The following ROCK2 variants were observed in gnomAD, a reference collection of about 807,000 sequenced individuals.
ROCK2 encodes rho-associated protein kinase 2.
A neutral mutation model predicts 195.1 loss-of-function variants in ROCK2; 61 were observed. The ratio of observed to expected loss-of-function variants is 0.31; its 90% CI spans 0.25 to 0.39. ROCK2 has a LOEUF of 0.39. Among genes scored for constraint, ROCK2 ranks in the 10% least tolerant of loss-of-function variants. ROCK2 has a pLI of 1.00. For synonymous variants in ROCK2, 504 were observed against 545.5 expected (o/e 0.92, Z 1.06); for missense variants, 1,109 against 1,637.4 (o/e 0.68, Z 5.57).
intron 12 of ROCK2, among the ~76,000 whole-genome samples, chr2:11,216,638 G>C (rs1664440024): frequency 6.6e-6 from 1 of 151,168 alleles, no homozygotes; most frequent in African/African-American, 2.4e-5. Flanking sequence ...AGCCTCCCAA[G>C]TAATTCCCTT....
Position 11,235,744 on chromosome 2 carries a change from A to T in ROCK2, c.681T>A (p.His227Gln). ...PDNMLLDKHG[H>Q]LKLADFGTCM... is the part of the protein sequence containing the mutation. ...ACGTGCCAAAATCTGCTAATTTTAG[A>T]TGTCCATGTTTATCCAAGAGCATGT... is the stretch of plus-strand genomic sequence containing the variant. Residue 227 changes from histidine (H) to glutamine (Q), a missense_variant, in exon 5 of 33, where the codon CAT becomes CAA. Coordinates refer to ENST00000315872, the MANE Select transcript of ROCK2 (RefSeq NM_004850.5). The surrounding 1 kb of genome is among the most constrained non-coding windows in gnomAD (Gnocchi z 4.2). 6.2e-7 allele frequency: 1 copy of T among 1,612,990 alleles called. No individual in the cohort carries two copies. The highest frequency in any genetic ancestry group is 8.5e-7 in the Non-Finnish European group (1 of 1,179,624).
chr2:11,232,999 A>G (rs1485275479), intron 5 of ROCK2, among the ~76,000 whole-genome samples: 1 of 152,174 alleles, frequency 6.6e-6, no homozygotes, highest in Non-Finnish European at 1.5e-5. Flanking sequence ...GGATCACTTG[A>G]GCCCAGGAGT....
At chr2:11,335,512 C>G (rs1025137051) in intron 1 of ROCK2, among the ~76,000 whole-genome samples, 2 of 152,090 alleles carry the variant, frequency 1.3e-5, no homozygotes, top group Admixed American at 1.3e-4. Context: ...ACCAGTAATC[C>G]TTATCACTAA....
At chr2:11,222,205 TA>T (rs1664660398) in intron 7 of ROCK2, 31 bp from the exon 8 acceptor site, 3 of 1,236,176 alleles carry the variant, frequency 2.4e-6, no homozygotes, top group Non-Finnish European at 3.5e-6. Context: ...TTGTATTATT[TA>T]AAAATTATAA....
chr2:11,228,828 G>A (rs1398043084), intron 5 of ROCK2, among the ~76,000 whole-genome samples: 1 of 151,956 alleles, frequency 6.6e-6, no homozygotes, highest in Non-Finnish European at 1.5e-5. Flanking sequence ...GCATTCAAAG[G>A]TTCAGAGGAA....
chr2:11,271,807 C>A (rs1294064692), intron 3 of ROCK2, among the ~76,000 whole-genome samples: 1 of 151,984 alleles, frequency 6.6e-6, no homozygotes, highest in East Asian at 1.9e-4. Context: ...GCGGGCGGAT[C>A]ACAAGGTCAG....
intron 1 of ROCK2, among the ~76,000 whole-genome samples, chr2:11,329,727 A>T (rs1668661342): frequency 6.6e-6 from 1 of 152,172 alleles, no homozygotes; most frequent in African/African-American, 2.4e-5. Context: ...TTGCAGCAGA[A>T]ATTGTTTTAC....
intron 32 of ROCK2, among the ~76,000 whole-genome samples, chr2:11,188,428 T>C (rs947379607): frequency 4.0e-5 from 6 of 151,762 alleles, no homozygotes; most frequent in African/African-American, 7.3e-5. Flanking sequence ...TATATTTTTA[T>C]CTTGCATTGA....
chr2:11,223,647 G>GT (rs1271590812), intron 7 of ROCK2, among the ~76,000 whole-genome samples: 2 of 152,166 alleles, frequency 1.3e-5, no homozygotes, highest in Non-Finnish European at 2.9e-5. Context: ...TAAAGCTGAT[G>GT]TGTAAGTTTG....
intron 1 of ROCK2, among the ~76,000 whole-genome samples, chr2:11,298,347 A>G (rs1667599779): frequency 6.6e-6 from 1 of 151,516 alleles, no homozygotes; most frequent in African/African-American, 2.4e-5. Context: ...GTGCTAGCCT[A>G]TAGTCCCAGC....
At chr2:11,278,794 A>G (rs539333362) in intron 3 of ROCK2, among the ~76,000 whole-genome samples, 53 of 152,242 alleles carry the variant, frequency 3.5e-4, no homozygotes, top group African/African-American at 1.3e-3. Context: ...TTGCATTTTT[A>G]GTAGAGACGG....
chr2:11,199,076 G>GT, intron 23 of ROCK2, among the ~76,000 whole-genome samples: 1 of 151,050 alleles, frequency 6.6e-6, no homozygotes, highest in South Asian at 2.1e-4. Context: ...AATTTTTATA[G>GT]TTTTAGTAGA....
In ROCK2 at chr2:11,197,268, C is replaced by A. The variant is rs184390107; in HGVS notation, c.3360G>T (p.Arg1120=). Residue 1120 remains arginine (R), a synonymous_variant, in exon 27 of 33, where the codon CGG becomes CGT. Transcript: ENST00000315872. The surrounding 1 kb of genome is among the most constrained non-coding windows in gnomAD (Gnocchi z 4.9). The part of the protein sequence containing the change: ...DSKDSDIEQL[R]SQLQALHIGL... ...CAATATGCAAGGCTTGGAGTTGTGA[C>A]CGCAGCTGCTCAATGTCACTGTCTT... is the stretch of plus-strand genomic sequence containing the variant. 3 of 1,614,102 alleles carry A rather than the reference C, an allele frequency of 1.9e-6. No individual in the cohort carries two copies. The African/African-American group carries it at 4.0e-5, about 22-fold the overall frequency.
At chr2:11,316,120 T>C (rs1668183942) in intron 1 of ROCK2, among the ~76,000 whole-genome samples, 2 of 152,086 alleles carry the variant, frequency 1.3e-5, no homozygotes, top group Non-Finnish European at 2.9e-5. Flanking sequence ...TACCCTCAAC[T>C]GGTAGCACTC....
intron 3 of ROCK2, among the ~76,000 whole-genome samples, chr2:11,276,987 G>C (rs936280080): frequency 6.6e-6 from 1 of 151,952 alleles, no homozygotes; most frequent in East Asian, 1.9e-4. Context: ...TTATTTTTTA[G>C]AACAGTTTTA....
intron 3 of ROCK2, among the ~76,000 whole-genome samples, chr2:11,256,826 A>G (rs1572320548): frequency 6.6e-6 from 1 of 151,488 alleles, no homozygotes; most frequent in East Asian, 1.9e-4. Flanking sequence ...CTGAAAATTA[A>G]TAACATAAAA....
rs376213781 is a variant in ROCK2, at chr2:11,221,778, TTTAAA to T, written c.1099+300_1099+304del. Among the ~76,000 whole-genome samples the T allele has an allele frequency of 1.8e-3, 270 of 152,326 alleles. 1 individual carries two copies. The highest frequency in any genetic ancestry group is 3.0e-3 in the Non-Finnish European group (204 of 68,002). ...TTGTTGATTTATCAAGTCAAACGCA[TTTAAA>T]TTAAAGGATTGCATTCCCTTGATTC... On this transcript the variant is annotated intron_variant, in intron 8 of 32. Coordinates refer to ENST00000315872, the MANE Select transcript of ROCK2 (RefSeq NM_004850.5).
intron 5 of ROCK2, 132 bp from the exon 6 acceptor site, chr2:11,227,530 T>A: frequency 1.4e-6 from 1 of 730,442 alleles, no homozygotes; most frequent in Non-Finnish European, 2.2e-6. Flanking sequence ...ACTGCTGACA[T>A]GACTTCAGGA....
At chr2:11,253,302 T>C (rs1665903755) in intron 3 of ROCK2, among the ~76,000 whole-genome samples, 1 of 152,216 alleles carries the variant, frequency 6.6e-6, no homozygotes, top group Non-Finnish European at 1.5e-5. Context: ...CACACTTATC[T>C]TCTCTCAGTT....
Sources: gnomAD v4.1 joint callset for allele counts (sites outside exome capture counted in the v4.1 genomes callset) on GRCh38, gnomAD v4.1.1 for gene constraint, Gnocchi (gnomAD v3.1) non-coding constraint, MANE v1.5 for transcripts, NCBI Gene and HGNC (gene_info 2026-07-23, HGNC 2026-07-21) for gene names.